STXBP4: variants seen among roughly 807,000 people sequenced by gnomAD.
STXBP4 encodes the protein syntaxin-binding protein 4.
A neutral mutation model predicts 76.1 loss-of-function variants in STXBP4; 55 were observed. The observed-to-expected ratio is 0.72, with a 90% CI of 0.58 to 0.91. STXBP4 has a LOEUF of 0.91. Among genes scored for constraint, STXBP4 ranks in the 40% least tolerant of loss-of-function variants. The pLI, the probability that STXBP4 is intolerant of heterozygous loss-of-function variation, is 0.00. For synonymous variants in STXBP4, 201 were observed against 220.2 expected (o/e 0.91, Z 0.77); for missense variants, 618 against 636.9 (o/e 0.97, Z 0.32).
At chr17:55,153,560 G>GA (rs149435631) in intron 17 of STXBP4, among the ~76,000 whole-genome samples, 98,576 of 151,958 alleles carry the variant, frequency 0.65, 32,987 homozygotes, top group African/African-American at 0.82. Context: ...TAAATTAGTT[G>GA]AAAAATATGT....
intron 13 of STXBP4, among the ~76,000 whole-genome samples, chr17:55,077,686 CGTGTGTGTGTGTGTGTGTGTGT>C (rs10690646): frequency 1.5e-5 from 2 of 134,004 alleles, no homozygotes; most frequent in Non-Finnish European, 3.2e-5. Flanking sequence ...TGTCTTACAT[CGTGTGTGTGTGTGTGTGTGTGT>C]GTGTGTGTGT....
intron 4 of STXBP4, among the ~76,000 whole-genome samples, chr17:54,993,295 A>G (rs1356308581): frequency 6.6e-6 from 1 of 152,184 alleles, no homozygotes. Flanking sequence ...TATCTGACCA[A>G]GGAAAACAGG....
At chr17:54,985,195 A>G (rs1278092338) in intron 1 of STXBP4, among the ~76,000 whole-genome samples, 2 of 152,234 alleles carry the variant, frequency 1.3e-5, no homozygotes, top group Non-Finnish European at 2.9e-5. Flanking sequence ...AATCATCGCC[A>G]CAATCAAGGC....
At chr17:55,010,061 A>G (rs2078080259) in intron 8 of STXBP4, among the ~76,000 whole-genome samples, 1 of 151,978 alleles carries the variant, frequency 6.6e-6, no homozygotes, top group Non-Finnish European at 1.5e-5. Flanking sequence ...AAAATAAAAT[A>G]GTATATTTTT....
At chr17:55,007,390 GCTAA>G (rs1377293325) in intron 7 of STXBP4, 112 bp from the exon 8 acceptor site, 2 of 751,830 alleles carry the variant, frequency 2.7e-6, no homozygotes, top group Admixed American at 2.4e-5. Context: ...ACTAAAAGCT[GCTAA>G]CTGATTAGCT....
chr17:54,981,655 G>A (rs567410444), intron 1 of STXBP4, among the ~76,000 whole-genome samples: 12 of 152,170 alleles, frequency 7.9e-5, no homozygotes, highest in Admixed American at 3.9e-4. Flanking sequence ...GAGTGGGCAA[G>A]GAGTTTCTAA....
intron 16 of STXBP4, among the ~76,000 whole-genome samples, chr17:55,139,581 G>A (rs1397308913): frequency 6.6e-6 from 1 of 152,110 alleles, no homozygotes; most frequent in East Asian, 1.9e-4. Flanking sequence ...TGCAGAAAGT[G>A]TGAAGACAGA....
At chr17:55,128,899 G>A (rs1181007701) in intron 16 of STXBP4, among the ~76,000 whole-genome samples, 1 of 149,432 alleles carries the variant, frequency 6.7e-6, no homozygotes, top group African/African-American at 2.5e-5. Flanking sequence ...ACAGGTGTGA[G>A]CCACTGCGTC....
the STXBP4 span, among the ~76,000 whole-genome samples, chr17:55,192,004 T>C: frequency 6.6e-6 from 1 of 152,194 alleles, no homozygotes; most frequent in Non-Finnish European, 1.5e-5. Flanking sequence ...AGCAGTTTAT[T>C]ATAAAGGATA....
chr17:55,176,388 A>G (rs967572572), downstream of STXBP4, among the ~76,000 whole-genome samples: 2 of 152,158 alleles, frequency 1.3e-5, no homozygotes, highest in Admixed American at 1.3e-4. Context: ...CTCCTGAGTA[A>G]TGTCAGGGTG....
At chr17:54,994,937 A>C (rs1242830864) in intron 4 of STXBP4, among the ~76,000 whole-genome samples, 1 of 151,522 alleles carries the variant, frequency 6.6e-6, no homozygotes, top group Non-Finnish European at 1.5e-5. Flanking sequence ...GCTTTCCCCC[A>C]GTCTAGGCTA....
chr17:55,139,495 T>G (rs1256338004), intron 16 of STXBP4, among the ~76,000 whole-genome samples: 1 of 152,160 alleles, frequency 6.6e-6, no homozygotes, highest in Non-Finnish European at 1.5e-5. Context: ...AGCAAGGTTC[T>G]TAGGTACAGT....
rs2080327843 is a variant in STXBP4 at position 55,160,545 on chromosome 17, T to C, written c.*634T>C. 6.5e-6 allele frequency: 1 copy of C among 152,720 alleles called. No homozygotes were observed. Among genetic ancestry groups the C allele is most frequent in the Non-Finnish European group, 1.5e-5 (1 of 68,124 alleles). 9.5% of individuals were successfully genotyped at this position (152,720 alleles called of 1,614,324 possible). On this transcript the variant is annotated 3_prime_UTR_variant, in exon 18 of 18. Transcript: ENST00000376352. Reference sequence around the variant, plus strand: ...TTGGTTTTCAGTAGGGAAATAGCAGTTCAGAGAGAGGAAGCTCTCTGTCCC... The same window carrying C: ...TTGGTTTTCAGTAGGGAAATAGCAGCTCAGAGAGAGGAAGCTCTCTGTCCC...
intron 16 of STXBP4, among the ~76,000 whole-genome samples, chr17:55,102,028 T>C (rs2079572205): frequency 6.6e-6 from 1 of 152,220 alleles, no homozygotes; most frequent in Non-Finnish European, 1.5e-5. Context: ...TATTTTTAGC[T>C]TCCTTCTTTG....
the STXBP4 span, among the ~76,000 whole-genome samples, chr17:55,213,051 T>C: frequency 6.6e-6 from 1 of 152,156 alleles, no homozygotes; most frequent in Non-Finnish European, 1.5e-5. Context: ...CACCGTGGTG[T>C]AGAATCTGAT....
At chr17:55,141,783 T>C (rs866914136) in intron 17 of STXBP4, among the ~76,000 whole-genome samples, 1 of 152,202 alleles carries the variant, frequency 6.6e-6, no homozygotes, top group African/African-American at 2.4e-5. Context: ...TCTGCAACTA[T>C]TTTTTGAGCA....
intron 8 of STXBP4, among the ~76,000 whole-genome samples, chr17:55,019,345 T>G (rs927749944): frequency 5.9e-5 from 9 of 152,198 alleles, no homozygotes; most frequent in Non-Finnish European, 1.3e-4. Flanking sequence ...CTTTTAGTGA[T>G]TTCCTTAAGA....
At chr17:54,976,755 C>G (rs1189037890) in intron 1 of STXBP4, among the ~76,000 whole-genome samples, 1 of 152,144 alleles carries the variant, frequency 6.6e-6, no homozygotes, top group African/African-American at 2.4e-5. Context: ...GTTGCATGCT[C>G]CTTATGAGAA....
the STXBP4 span, among the ~76,000 whole-genome samples, chr17:55,194,475 G>A: frequency 9.2e-5 from 14 of 152,256 alleles, no homozygotes; most frequent in African/African-American, 3.4e-4. Context: ...ATCCCGCATT[G>A]CTGCCTCTAA....
Sources: allele counts gnomAD v4.1 joint callset (sites outside exome capture counted in the v4.1 genomes callset), GRCh38; gene constraint gnomAD v4.1.1; transcripts MANE v1.5; gene names NCBI Gene and HGNC (gene_info 2026-07-23, HGNC 2026-07-21).